Variants in PTPRT observed in about 807,000 individuals in gnomAD.
PTPRT encodes the protein receptor-type tyrosine-protein phosphatase T.
PTPRT carries 56 observed loss-of-function variants against 176.8 expected under a neutral mutation model. The observed-to-expected ratio is 0.32, with a 90% CI of 0.26 to 0.40. PTPRT has a LOEUF of 0.40. Among genes scored for constraint, PTPRT ranks in the 10% least tolerant of loss-of-function variants. The pLI is 1.00. For missense variants in PTPRT, 1,540 were observed against 1,908.2 expected (o/e 0.81, Z 3.60); for synonymous variants, 783 against 739.0 (o/e 1.06, Z -0.96).
chr20:42,571,821 T>C (rs1363250699), intron 7 of PTPRT, among the ~76,000 whole-genome samples: 1 of 152,118 alleles, frequency 6.6e-6, no homozygotes, highest in Admixed American at 6.5e-5. Flanking sequence ...GTCCAAGCCA[T>C]GCCCTCACCT....
rs2055476149 is a variant in PTPRT, at chr20:42,206,709, G to T, written c.2343-7321C>A. The stretch of plus-strand genomic sequence containing the variant: ...AAGGTGGCAGCGAGGCTGGGGGAGG[G>T]GCACCCGCCATTGCCCAGGCTTGCT... On this transcript the variant is annotated intron_variant, in intron 15 of 30. Coordinates refer to ENST00000373187, the MANE Select transcript of PTPRT (RefSeq NM_007050.6). Among the ~76,000 whole-genome samples, 3 of 152,356 alleles carry T rather than the reference G, an allele frequency of 2.0e-5. No homozygotes were observed. In the South Asian group the frequency reaches 6.2e-4, roughly 32 times the overall value.
At chr20:42,197,686 T>C (rs973668853) in intron 16 of PTPRT, among the ~76,000 whole-genome samples, 1 of 151,888 alleles carries the variant, frequency 6.6e-6, no homozygotes, top group Non-Finnish European at 1.5e-5. Flanking sequence ...AGTGTCATGA[T>C]GTCTGCAACT....
At chr20:43,179,906 G>A (rs2015208735) in intron 1 of PTPRT, among the ~76,000 whole-genome samples, 1 of 152,236 alleles carries the variant, frequency 6.6e-6, no homozygotes, top group Non-Finnish European at 1.5e-5. Flanking sequence ...TGCCTGTGAT[G>A]GTTAATCCTA....
At chr20:43,130,731 T>C (rs753750035) in intron 1 of PTPRT, among the ~76,000 whole-genome samples, 2 of 150,574 alleles carry the variant, frequency 1.3e-5, no homozygotes, top group Non-Finnish European at 2.9e-5. Flanking sequence ...CCAAGGGCTC[T>C]GAGAGTCAGT....
At chr20:42,032,021 C>T in the PTPRT span, among the ~76,000 whole-genome samples, 1 of 152,158 alleles carries the variant, frequency 6.6e-6, no homozygotes, top group African/African-American at 2.4e-5. Flanking sequence ...CAATGTCACA[C>T]ATCTAGTAAA....
At chr20:42,397,480 C>T (rs943525735) in intron 9 of PTPRT, among the ~76,000 whole-genome samples, 4 of 152,162 alleles carry the variant, frequency 2.6e-5, no homozygotes, top group African/African-American at 9.7e-5. Flanking sequence ...TCTAGAAATT[C>T]CCAGTGTCTT....
intron 7 of PTPRT, among the ~76,000 whole-genome samples, chr20:42,668,353 C>T (rs1385019283): frequency 1.3e-5 from 2 of 152,090 alleles, no homozygotes; most frequent in East Asian, 1.9e-4. Context: ...ACAAAATAAA[C>T]ACTGCCACCT....
chr20:42,626,993 GC>G (rs1364883352), intron 7 of PTPRT, among the ~76,000 whole-genome samples: 1 of 129,954 alleles, frequency 7.7e-6, no homozygotes, highest in Admixed American at 7.0e-5. Context: ...ATCACACTGG[GC>G]CTCTCTGATC....
intron 9 of PTPRT, among the ~76,000 whole-genome samples, chr20:42,432,192 C>T (rs1433813479): frequency 1.3e-5 from 2 of 152,196 alleles, no homozygotes; most frequent in African/African-American, 4.8e-5. Context: ...GTCTAAGCCT[C>T]ACTTAGGACT....
intron 6 of PTPRT, among the ~76,000 whole-genome samples, chr20:42,737,688 C>T (rs897557455): frequency 4.6e-5 from 7 of 151,232 alleles, no homozygotes; most frequent in Middle Eastern, 3.2e-3. Flanking sequence ...AGGAACCAAC[C>T]CTACTGACAC....
At chr20:42,450,490 T>C (rs944193371) in intron 8 of PTPRT, among the ~76,000 whole-genome samples, 2 of 152,232 alleles carry the variant, frequency 1.3e-5, no homozygotes, top group Non-Finnish European at 2.9e-5. Context: ...GCTTCTTTTA[T>C]GAACAAATTA....
intron 7 of PTPRT, among the ~76,000 whole-genome samples, chr20:42,583,877 C>T (rs1404612134): frequency 6.6e-6 from 1 of 152,158 alleles, no homozygotes; most frequent in Non-Finnish European, 1.5e-5. Context: ...TTCTCTCTTA[C>T]TCCATGTGGT....
chr20:42,694,724 T>G (rs1427533382), intron 6 of PTPRT, among the ~76,000 whole-genome samples: 1 of 152,242 alleles, frequency 6.6e-6, no homozygotes, highest in African/African-American at 2.4e-5. Flanking sequence ...CTGATAAGTA[T>G]GTAGTGATGT....
intron 15 of PTPRT, among the ~76,000 whole-genome samples, chr20:42,215,152 T>C (rs1365975821): frequency 6.6e-6 from 1 of 152,124 alleles, no homozygotes; most frequent in Non-Finnish European, 1.5e-5. Context: ...GTTCAGACAA[T>C]GGGAGCTTCC....
intron 14 of PTPRT, among the ~76,000 whole-genome samples, chr20:42,238,869 C>T (rs1168815283): frequency 1.3e-5 from 2 of 152,168 alleles, no homozygotes; most frequent in Admixed American, 1.3e-4. Context: ...GAACAAGTCA[C>T]TAAACAGCCC....
intron 1 of PTPRT, among the ~76,000 whole-genome samples, chr20:43,111,214 G>C (rs1451360442): frequency 6.6e-6 from 1 of 152,068 alleles, no homozygotes; most frequent in Non-Finnish European, 1.5e-5. Flanking sequence ...GTAAGTCTCT[G>C]TTCATACTAC....
the PTPRT span, among the ~76,000 whole-genome samples, chr20:42,052,392 C>A: frequency 6.8e-6 from 1 of 148,100 alleles, no homozygotes; most frequent in African/African-American, 2.4e-5. Context: ...TCTCAGACAC[C>A]CTGTGGGTCC....
At chr20:42,991,510 C>A (rs1300655081) in intron 1 of PTPRT, among the ~76,000 whole-genome samples, 3 of 151,662 alleles carry the variant, frequency 2.0e-5, no homozygotes, top group African/African-American at 7.3e-5. Context: ...CCAAAACAGG[C>A]AAATCCACAG....
At chr20:42,610,427 C>G (rs1440488523) in intron 7 of PTPRT, among the ~76,000 whole-genome samples, 2 of 148,248 alleles carry the variant, frequency 1.3e-5, no homozygotes, top group Admixed American at 1.4e-4. Flanking sequence ...ACTATGTTGA[C>G]CAGTCTGGTC....
Sources: gnomAD v4.1 joint callset for allele counts (sites outside exome capture counted in the v4.1 genomes callset) on GRCh38, gnomAD v4.1.1 for gene constraint, MANE v1.5 for transcripts, NCBI Gene and HGNC (gene_info 2026-07-23, HGNC 2026-07-21) for gene names.